FYN: variants seen among roughly 807,000 people sequenced by gnomAD.
FYN encodes FYN proto-oncogene, Src family tyrosine kinase, also known as tyrosine-protein kinase Fyn.
A neutral mutation model predicts 70.2 loss-of-function variants in FYN; 10 were observed. The observed-to-expected ratio is 0.14, with a 90% CI of 0.09 to 0.24. The LOEUF is 0.24. FYN is among the 10% of genes least tolerant of loss of function. The probability of loss-of-function intolerance (pLI) is 1.00; values close to 1 mark genes in which losing one functional copy is unlikely to be tolerated. For missense variants in FYN, 319 were observed against 673.1 expected (o/e 0.47, Z 5.82); for synonymous variants, 236 against 248.6 (o/e 0.95, Z 0.48).
intron 4 of FYN, among the ~76,000 whole-genome samples, chr6:111,719,425 C>T (rs1014749037): frequency 6.6e-6 from 1 of 152,190 alleles, no homozygotes; most frequent in African/African-American, 2.4e-5. Context: ...AGTCCTGGAG[C>T]CTCTAATTCA....
intron 1 of FYN, among the ~76,000 whole-genome samples, chr6:111,861,511 C>T (rs933346672): frequency 7.9e-5 from 12 of 152,056 alleles, no homozygotes; most frequent in Non-Finnish European, 1.8e-4. Flanking sequence ...CACTGCTTCT[C>T]GAAGATCACA....
chr6:111,686,830 C>T lies in FYN; in HGVS notation c.1273+7545G>A, dbSNP rs777503003. 3.3e-4 allele frequency among the ~76,000 whole-genome samples: 50 copies of T among 152,284 alleles called. No homozygotes were observed. In the South Asian group the frequency reaches 3.9e-3, roughly 12 times the overall value. On this transcript the variant is annotated intron_variant, in intron 12 of 13. Transcript: ENST00000354650. The stretch of plus-strand genomic sequence containing the variant: ...CACCGGATTACAGGGGCCTCAGAAG[C>T]GGCTGATTAATAATTCTGCAGGAGC...
chr6:111,868,447 A>T (rs1035541720), intron 1 of FYN, among the ~76,000 whole-genome samples: 1 of 152,222 alleles, frequency 6.6e-6, no homozygotes, highest in African/African-American at 2.4e-5. Context: ...TCCAGTATCG[A>T]CATGCCTTGC....
At chr6:111,808,472 G>T (rs1315339448) in intron 2 of FYN, among the ~76,000 whole-genome samples, 1 of 152,172 alleles carries the variant, frequency 6.6e-6, no homozygotes, top group Admixed American at 6.5e-5. Flanking sequence ...CCATTTCAGG[G>T]CTGTAGCGAA....
intron 13 of FYN, 72 bp from the exon 14 acceptor site, chr6:111,662,019 C>T: frequency 4.0e-6 from 5 of 1,261,662 alleles, no homozygotes; most frequent in Non-Finnish European, 4.4e-6. Context: ...TGCAGATCCC[C>T]TTTCTTCTTC....
chr6:111,690,653 T>C (rs1402848708), intron 12 of FYN, among the ~76,000 whole-genome samples: 2 of 152,206 alleles, frequency 1.3e-5, no homozygotes, highest in African/African-American at 2.4e-5. Context: ...ACAAGCAACA[T>C]TTATCACTAT....
At chr6:111,677,029 A>G (rs1251573120) in intron 12 of FYN, among the ~76,000 whole-genome samples, 2 of 152,258 alleles carry the variant, frequency 1.3e-5, no homozygotes, top group African/African-American at 4.8e-5. Context: ...CAAAGGCTGC[A>G]TTAATGTAAG....
chr6:111,807,100 C>T (rs1772174048), intron 2 of FYN, among the ~76,000 whole-genome samples: 1 of 152,176 alleles, frequency 6.6e-6, no homozygotes, highest in African/African-American at 2.4e-5. Context: ...ACAGACTACT[C>T]ATTTCATGGG....
At chr6:111,791,140 T>C (rs1172004551) in intron 2 of FYN, among the ~76,000 whole-genome samples, 1 of 152,194 alleles carries the variant, frequency 6.6e-6, no homozygotes, top group Non-Finnish European at 1.5e-5. Flanking sequence ...CTGGAAGACT[T>C]ATTCTACCAG....
chr6:111,714,863 C>T (rs141203403), intron 4 of FYN, among the ~76,000 whole-genome samples: 6 of 152,296 alleles, frequency 3.9e-5, no homozygotes, highest in South Asian at 2.1e-4. Flanking sequence ...TAAAATGCAC[C>T]ACCCTTTCTC....
chr6:111,775,961 C>T (rs2035539443), intron 3 of FYN, among the ~76,000 whole-genome samples: 1 of 152,160 alleles, frequency 6.6e-6, no homozygotes, highest in Admixed American at 6.5e-5. Flanking sequence ...AAGCATTTCT[C>T]CAGCCCCTAG....
rs1484568929 is a variant in FYN at position 111,700,248 on chromosome 6, A to G, written c.718T>C (p.Cys240Arg). 1 of 1,614,176 alleles carries G rather than the reference A, an allele frequency of 6.2e-7. No homozygotes were observed. Among genetic ancestry groups the G allele is most frequent in the Admixed American group, 1.7e-5 (1 of 60,022 alleles). The part of the protein sequence containing the change: ...HYSERAAGLC[C>R]RLVVPCHKGM... ...TTGTGACAGGGAACTACTAGGCGGCAGCAGAGACCTGCAGCTCTCTCTGAT... is the reference window on the plus strand; with the variant it reads ...TTGTGACAGGGAACTACTAGGCGGCGGCAGAGACCTGCAGCTCTCTCTGAT... The change falls in exon 9 of 14, where the codon TGC becomes CGC. Residue 240 changes from cysteine (C) to arginine (R), a missense_variant. Cys to Arg is a radical substitution (Grantham distance 180, BLOSUM62 -3). Coordinates refer to ENST00000354650, the MANE Select transcript of FYN (RefSeq NM_002037.5).
At chr6:111,857,059 T>C (rs1357453853) in intron 1 of FYN, among the ~76,000 whole-genome samples, 1 of 152,188 alleles carries the variant, frequency 6.6e-6, no homozygotes, top group Non-Finnish European at 1.5e-5. Flanking sequence ...CCTCTCTCAT[T>C]TGAGTGTTCT....
At chr6:111,762,502 A>G (rs1803048446) in intron 3 of FYN, among the ~76,000 whole-genome samples, 1 of 152,178 alleles carries the variant, frequency 6.6e-6, no homozygotes. Context: ...TGGCATGAAC[A>G]TTAAAACAGA....
chr6:111,777,271 T>C (rs1425919683), intron 3 of FYN, among the ~76,000 whole-genome samples: 2 of 152,212 alleles, frequency 1.3e-5, no homozygotes, highest in Non-Finnish European at 2.9e-5. Flanking sequence ...GATAGCCTCT[T>C]AGCAGCCTTT....
chr6:111,816,297 T>C (rs1270192830), intron 2 of FYN, among the ~76,000 whole-genome samples: 2 of 152,156 alleles, frequency 1.3e-5, no homozygotes, highest in Non-Finnish European at 2.9e-5. Context: ...TAAATAAGTC[T>C]TCCTTATGAC....
At chr6:111,866,179 A>G (rs1017370882) in intron 1 of FYN, among the ~76,000 whole-genome samples, 2 of 152,178 alleles carry the variant, frequency 1.3e-5, no homozygotes, top group Admixed American at 6.5e-5. Context: ...AATATTTGAC[A>G]TGTATTAACT....
At chr6:111,844,026 G>C (rs943730144) in intron 2 of FYN, among the ~76,000 whole-genome samples, 2 of 152,186 alleles carry the variant, frequency 1.3e-5, no homozygotes, top group African/African-American at 2.4e-5. Context: ...GGTGGGGTAT[G>C]GGAAGGGGAA....
intron 3 of FYN, among the ~76,000 whole-genome samples, chr6:111,775,702 AG>A (rs1770905180): frequency 6.6e-6 from 1 of 152,186 alleles, no homozygotes; most frequent in Non-Finnish European, 1.5e-5. Flanking sequence ...CCGCCTGGAG[AG>A]GCTGTTAAGA....
Sources: gnomAD v4.1 joint callset for allele counts (sites outside exome capture counted in the v4.1 genomes callset) on GRCh38, gnomAD v4.1.1 for gene constraint, MANE v1.5 for transcripts, NCBI Gene and HGNC (gene_info 2026-07-23, HGNC 2026-07-21) for gene names.